Variants in KYNU observed in about 807,000 individuals in gnomAD.
The protein encoded by KYNU is L-kynurenine hydrolase.
Under a neutral mutation model 59.2 loss-of-function variants are expected in KYNU, and 54 were observed. The ratio of observed to expected loss-of-function variants is 0.91; its 90% CI spans 0.73 to 1.14. KYNU has a LOEUF of 1.14. Ranked by LOEUF, KYNU falls within the 50% of genes most tolerant of loss-of-function variation. KYNU has a pLI of 0.00. For missense variants in KYNU, 567 were observed against 554.4 expected (o/e 1.02, Z -0.23); for synonymous variants, 177 against 192.0 (o/e 0.92, Z 0.65).
At chr2:143,024,116 A>T (rs1287569870) in intron 10 of KYNU, among the ~76,000 whole-genome samples, 1 of 151,912 alleles carries the variant, frequency 6.6e-6, no homozygotes. Flanking sequence ...CCAAAAAAAA[A>T]TGATGAGGGA....
intron 8 of KYNU, among the ~76,000 whole-genome samples, chr2:142,961,505 T>A (rs1684349123): frequency 6.6e-6 from 1 of 152,138 alleles, no homozygotes. Flanking sequence ...ACTCTATAAA[T>A]GAGTTTTCAC....
intron 2 of KYNU, 57 bp downstream of exon 2, chr2:142,885,593 A>G (rs1337973440): frequency 1.0e-5 from 14 of 1,361,036 alleles, no homozygotes; most frequent in Middle Eastern, 5.0e-4. Flanking sequence ...TTGCTACTGC[A>G]TGTGTTTATT....
chr2:142,973,246 G>A (rs973413036), intron 8 of KYNU, among the ~76,000 whole-genome samples: 2 of 151,624 alleles, frequency 1.3e-5, no homozygotes, highest in East Asian at 3.9e-4. Context: ...TGTAGTCTAC[G>A]TAATTGTCTC....
At chr2:142,912,352 C>T (rs1682505874) in intron 2 of KYNU, among the ~76,000 whole-genome samples, 1 of 146,140 alleles carries the variant, frequency 6.8e-6, no homozygotes, top group Admixed American at 6.9e-5. Context: ...ATAAGAGTCT[C>T]TAAGGATCTT....
chr2:142,925,740 GA>G (rs1683026296), intron 3 of KYNU, among the ~76,000 whole-genome samples: 1 of 152,072 alleles, frequency 6.6e-6, no homozygotes, highest in African/African-American at 2.4e-5. Flanking sequence ...TTATACCTTG[GA>G]AATCTGCAAA....
At chr2:143,027,142 C>T (rs924729504) in intron 10 of KYNU, among the ~76,000 whole-genome samples, 39 of 152,134 alleles carry the variant, frequency 2.6e-4, no homozygotes, top group African/African-American at 9.2e-4. Context: ...GCCTGCTGTT[C>T]CCTATCACTA....
At chr2:143,007,714 A>T (rs1397955892) in intron 10 of KYNU, among the ~76,000 whole-genome samples, 2 of 122,606 alleles carry the variant, frequency 1.6e-5, no homozygotes, top group East Asian at 2.8e-4. Flanking sequence ...ATCTCTCGGC[A>T]GAAACCCTAC....
At chr2:142,892,426 T>C (rs1681745161) in intron 2 of KYNU, among the ~76,000 whole-genome samples, 3 of 152,202 alleles carry the variant, frequency 2.0e-5, no homozygotes, top group Non-Finnish European at 4.4e-5. Flanking sequence ...AGAGAAAGCA[T>C]AGTTACTTTG....
intron 4 of KYNU, among the ~76,000 whole-genome samples, chr2:142,932,395 C>T (rs539712314): frequency 2.3e-4 from 35 of 151,992 alleles, no homozygotes; most frequent in Non-Finnish European, 4.4e-4. Flanking sequence ...TGGCCTTGCA[C>T]GGATCATAGG....
In KYNU at chr2:142,997,913, C is replaced by T. The variant is rs1685589531; in HGVS notation, c.902+11892C>T. On this transcript the variant is annotated intron_variant, in intron 10 of 13. Coordinates refer to ENST00000264170, the MANE Select transcript of KYNU (RefSeq NM_003937.3). ...AACTCCTCACATCCGAAATCATATT[C>T]ACTAGATCCCCAGTGGCTTTCTCTT... is the stretch of plus-strand genomic sequence containing the variant. Among the ~76,000 whole-genome samples the T allele has an allele frequency of 3.3e-5, 5 of 152,132 alleles. No individual in the cohort carries two copies. The South Asian group carries it at 1.0e-3, about 31-fold the overall frequency.
chr2:142,879,464 T>C (rs1681216132), intron 1 of KYNU: 1 of 152,170 alleles, frequency 6.6e-6, no homozygotes, highest in Non-Finnish European at 1.5e-5. Context: ...CCTTTGCAGC[T>C]TAAGTGTAGG....
At chr2:143,027,022 T>G (rs1459169294) in intron 10 of KYNU, among the ~76,000 whole-genome samples, 1 of 152,152 alleles carries the variant, frequency 6.6e-6, no homozygotes, top group Admixed American at 6.5e-5. Flanking sequence ...AAGCAACATT[T>G]GAGCGGGAAA....
chr2:142,959,765 C>T (rs1229798754), intron 7 of KYNU, among the ~76,000 whole-genome samples: 1 of 146,970 alleles, frequency 6.8e-6, no homozygotes, highest in South Asian at 2.2e-4. Flanking sequence ...AAGGAAAAAA[C>T]CCTCTATTAT....
intron 2 of KYNU, among the ~76,000 whole-genome samples, chr2:142,904,511 A>G (rs1684530380): frequency 6.6e-6 from 1 of 152,212 alleles, no homozygotes; most frequent in Non-Finnish European, 1.5e-5. Context: ...TGTCTGATCT[A>G]GCAGTAACAT....
intron 10 of KYNU, among the ~76,000 whole-genome samples, chr2:143,022,902 C>T (rs1348730689): frequency 6.6e-6 from 1 of 151,866 alleles, no homozygotes; most frequent in Non-Finnish European, 1.5e-5. Context: ...TGGTATTCCT[C>T]TCCCTCACCA....
At chr2:142,936,397 A>C (rs994367068) in intron 4 of KYNU, among the ~76,000 whole-genome samples, 6 of 152,152 alleles carry the variant, frequency 3.9e-5, no homozygotes. Context: ...TCTGAGGCCT[A>C]AGGTTTGCAG....
intron 4 of KYNU, among the ~76,000 whole-genome samples, chr2:142,950,235 C>T (rs1448575783): frequency 6.6e-6 from 1 of 152,194 alleles, no homozygotes; most frequent in Non-Finnish European, 1.5e-5. Context: ...CCCTCCAAAC[C>T]ATTCCAACCT....
chr2:142,955,172 T>C (rs1684121621), intron 5 of KYNU, among the ~76,000 whole-genome samples: 1 of 152,012 alleles, frequency 6.6e-6, no homozygotes, highest in Non-Finnish European at 1.5e-5. Context: ...TGATGTACAA[T>C]GCTAGCAAAG....
intron 2 of KYNU, among the ~76,000 whole-genome samples, chr2:142,888,892 T>G (rs530767492): frequency 6.7e-6 from 1 of 148,716 alleles, no homozygotes; most frequent in South Asian, 2.2e-4. Flanking sequence ...ATAACCAAAC[T>G]TAGAAACAAT....
Sources: gnomAD v4.1 joint callset for allele counts (sites outside exome capture counted in the v4.1 genomes callset) on GRCh38, gnomAD v4.1.1 for gene constraint, MANE v1.5 for transcripts, NCBI Gene and HGNC (gene_info 2026-07-23, HGNC 2026-07-21) for gene names.